HHIPL1: variants seen among roughly 807,000 people sequenced by gnomAD.
HHIPL1 encodes the protein HHIP-like protein 1.
A neutral mutation model predicts 61.8 loss-of-function variants in HHIPL1; 43 were observed. The observed-to-expected ratio is 0.70, with a 90% CI of 0.55 to 0.90. The LOEUF (loss-of-function observed/expected upper bound fraction) is 0.90. Ranked by LOEUF, HHIPL1 falls within the 40% of genes least tolerant of loss-of-function variation. The pLI is 0.00. For synonymous variants in HHIPL1, 482 were observed against 515.8 expected (o/e 0.93, Z 0.89); for missense variants, 1,056 against 1,157.7 (o/e 0.91, Z 1.28).
At chr14:99,645,003 C>A, upstream of HHIPL1, 1 of 412,366 alleles carries the variant, frequency 2.4e-6, no homozygotes, top group Non-Finnish European at 4.1e-6. Flanking sequence ...TAAAAGAGGT[C>A]GTGCCGCATT....
the HHIPL1 span, among the ~76,000 whole-genome samples, chr14:99,635,870 T>C: frequency 3.3e-5 from 5 of 152,190 alleles, no homozygotes; most frequent in African/African-American, 1.2e-4. Flanking sequence ...TAAATGCGTT[T>C]CCATGCAAAG....
rs1198997883 is a variant in HHIPL1 at position 99,675,535 on chromosome 14, TG to T, written c.2260del (p.Glu754SerfsTer132). On this transcript the variant is annotated frameshift_variant, in exon 9 of 9. Transcript: ENST00000330710. LOFTEE classifies it low-confidence loss of function (END_TRUNC). This position sits in a 1 kb window ranked among gnomAD's most constrained non-coding sequence, Gnocchi z 5.4. ...TGCGCGGGCTGGGAGCGGAACCTGC[TG>T]GAGTGCCAGCACAACGGCGTGGGCA... ...VRCAGWERNL[L>X]ECQHNGVGTH... 1.9e-6 allele frequency: 3 copies of T among 1,541,222 alleles called. No individual in the cohort carries two copies. The East Asian group carries it at 7.3e-5, about 38-fold the overall frequency.
At chr14:99,619,848 CT>C in the HHIPL1 span, among the ~76,000 whole-genome samples, 5 of 152,118 alleles carry the variant, frequency 3.3e-5, no homozygotes, top group Non-Finnish European at 7.4e-5. Flanking sequence ...TTGTGCACAG[CT>C]TTGCTTTCCT....
Position 99,660,506 on chromosome 14 carries a change from C to T in HHIPL1, c.1502+100C>T. 7.1e-7 allele frequency: 1 copy of T among 1,412,642 alleles called. No homozygotes were observed. Among genetic ancestry groups the T allele is most frequent in the South Asian group, 1.3e-5 (1 of 74,386 alleles). The allele number at this position is 1,412,642 out of a possible 1,614,324, so 87.5% of individuals were successfully genotyped here. A position where few individuals can be genotyped will look rare whatever the true frequency, so the allele number is the denominator to read the frequency against. On this transcript the variant is annotated intron_variant, in intron 5 of 8. Coordinates refer to ENST00000330710, the MANE Select transcript of HHIPL1 (RefSeq NM_001127258.3). The surrounding 1 kb of genome is among the most constrained non-coding windows in gnomAD (Gnocchi z 4.9). ...GTGTATGTGTGCGCCCGTTCCTGCACATGTGCCTCGCTGCTCTGACAGGGG... is the reference window on the plus strand; with the variant it reads ...GTGTATGTGTGCGCCCGTTCCTGCATATGTGCCTCGCTGCTCTGACAGGGG...
intron 6 of HHIPL1, among the ~76,000 whole-genome samples, chr14:99,665,722 C>A (rs1292424411): frequency 6.6e-6 from 1 of 152,186 alleles, no homozygotes; most frequent in Non-Finnish European, 1.5e-5. Flanking sequence ...GCATGAGCCA[C>A]CATATCTGAC....
chr14:99,612,087 A>G, the HHIPL1 span, among the ~76,000 whole-genome samples: 114 of 152,272 alleles, frequency 7.5e-4, no homozygotes, highest in South Asian at 1.9e-3. Flanking sequence ...ACACTGGGTA[A>G]TTTACAAAGG....
intron 1 of HHIPL1, among the ~76,000 whole-genome samples, chr14:99,648,374 A>G (rs961849441): frequency 7.2e-5 from 11 of 152,094 alleles, no homozygotes; most frequent in African/African-American, 2.7e-4. Context: ...GAGGTTAAGG[A>G]GCTTGCCCAC....
chr14:99,612,467 C>T, the HHIPL1 span, among the ~76,000 whole-genome samples: 1 of 152,182 alleles, frequency 6.6e-6, no homozygotes, highest in Non-Finnish European at 1.5e-5. Context: ...CAGGTTTACT[C>T]ACTTGGGATT....
At chr14:99,657,710 C>CACACACATGTACACACATATAT (rs1363624649) in intron 3 of HHIPL1, among the ~76,000 whole-genome samples, 1 of 151,980 alleles carries the variant, frequency 6.6e-6, no homozygotes, top group Non-Finnish European at 1.5e-5. Context: ...AATATGCATA[C>CACACACATGTACACACATATAT]ACACACATGT....
the HHIPL1 span, among the ~76,000 whole-genome samples, chr14:99,605,835 A>T: frequency 6.6e-6 from 1 of 152,200 alleles, no homozygotes; most frequent in Non-Finnish European, 1.5e-5. Context: ...AGCCAGTGCC[A>T]AGGCCCTAGG....
chr14:99,621,306 C>T, the HHIPL1 span, among the ~76,000 whole-genome samples: 2 of 152,066 alleles, frequency 1.3e-5, no homozygotes, highest in Non-Finnish European at 2.9e-5. Flanking sequence ...CACCATGTTG[C>T]CCAGGCTAGT....
At chr14:99,638,718 C>T in the HHIPL1 span, among the ~76,000 whole-genome samples, 9 of 152,240 alleles carry the variant, frequency 5.9e-5, no homozygotes, top group African/African-American at 2.2e-4. Flanking sequence ...TTGTGCCAGG[C>T]AGCCTTTGTG....
chr14:99,662,259 C>T (rs139927336), intron 5 of HHIPL1, among the ~76,000 whole-genome samples: 1 of 152,276 alleles, frequency 6.6e-6, no homozygotes, highest in East Asian at 1.9e-4. Flanking sequence ...GCATGGGGGC[C>T]TTCAGGGAGG....
chr14:99,656,244 A>C (rs1455374405), intron 2 of HHIPL1, among the ~76,000 whole-genome samples: 4 of 152,252 alleles, frequency 2.6e-5, no homozygotes, highest in Non-Finnish European at 5.9e-5. Context: ...CATAATCATA[A>C]CAGGGCAGGT....
At chr14:99,605,343 G>A in the HHIPL1 span, among the ~76,000 whole-genome samples, 19 of 130,632 alleles carry the variant, frequency 1.5e-4, no homozygotes, top group African/African-American at 5.2e-4. Context: ...TCCCCAAAGC[G>A]CATTTACGGC....
At position 99,656,107 on chromosome 14, in the gene HHIPL1, G is replaced by A. The variant is rs116832888; in HGVS notation, c.903-893G>A. ...TGTGGCGCTGAGTGCACCGCACACC[G>A]TCCTGCCCACCGTTAGAAGCTGCAA... On this transcript the variant is annotated intron_variant, in intron 2 of 8. Coordinates refer to ENST00000330710, the MANE Select transcript of HHIPL1 (RefSeq NM_001127258.3). Among the ~76,000 whole-genome samples, 630 of 152,318 alleles carry A rather than the reference G, an allele frequency of 4.1e-3. 5 individuals are homozygous for A. Among genetic ancestry groups the A allele is most frequent in the African/African-American group, 0.014 (581 of 41,564 alleles).
chr14:99,674,032 C>T (rs1021309894), intron 8 of HHIPL1, among the ~76,000 whole-genome samples: 1 of 151,600 alleles, frequency 6.6e-6, no homozygotes, highest in Admixed American at 6.6e-5. Context: ...GAGGTGGGGG[C>T]CAGGGGCCAG....
At chr14:99,673,140 C>A (rs2056343575) in intron 8 of HHIPL1, among the ~76,000 whole-genome samples, 1 of 152,008 alleles carries the variant, frequency 6.6e-6, no homozygotes, top group Non-Finnish European at 1.5e-5. Context: ...AGCAGGCCAC[C>A]CATTGGCAGA....
At chr14:99,637,003 GAAA>G in the HHIPL1 span, among the ~76,000 whole-genome samples, 1 of 27,004 alleles carries the variant, frequency 3.7e-5, no homozygotes, top group Non-Finnish European at 7.0e-5. Flanking sequence ...AAAGAAAGAA[GAAA>G]GAAAGAAAGA....
Sources: allele counts gnomAD v4.1 joint callset (sites outside exome capture counted in the v4.1 genomes callset), GRCh38; gene constraint gnomAD v4.1.1; non-coding constraint Gnocchi (gnomAD v3.1); transcripts MANE v1.5; gene names NCBI Gene and HGNC (gene_info 2026-07-23, HGNC 2026-07-21).